Variants in ADAMTSL1 observed in about 807,000 individuals in gnomAD.
ADAMTSL1 encodes ADAMTS like 1, also known as ADAMTS-like protein 1.
In ADAMTSL1, 126 loss-of-function variants were observed where a neutral mutation model predicts 201.8. The observed-to-expected ratio is 0.62, with a 90% CI of 0.54 to 0.72. The LOEUF (loss-of-function observed/expected upper bound fraction) is 0.72. ADAMTSL1 is among the 30% of genes least tolerant of loss of function. The pLI is 0.00. For missense variants in ADAMTSL1, 2,679 were observed against 2,277.8 expected, an observed-to-expected ratio of 1.18 and a Z score of -3.59; for synonymous variants, 1,121 against 903.4, an observed-to-expected ratio of 1.24 and a Z score of -4.32.
At chr9:18,728,903 C>T (rs139805154) in intron 15 of ADAMTSL1, among the ~76,000 whole-genome samples, 104 of 152,282 alleles carry the variant, frequency 6.8e-4, no homozygotes, top group African/African-American at 2.0e-3. Context: ...GGTGTGGAAC[C>T]GTCAGATTTG....
chr9:18,140,141 A>G (rs1381295584), intron 1 of ADAMTSL1, among the ~76,000 whole-genome samples: 1 of 152,164 alleles, frequency 6.6e-6, no homozygotes, highest in Non-Finnish European at 1.5e-5. Flanking sequence ...CCTACTCTTA[A>G]AGAATTTAAC....
chr9:18,290,814 C>G (rs1833228228), intron 2 of ADAMTSL1, among the ~76,000 whole-genome samples: 1 of 146,056 alleles, frequency 6.8e-6, no homozygotes, highest in African/African-American at 2.6e-5. Context: ...CAGAGTCTCG[C>G]TCTGTCGCCC....
intron 2 of ADAMTSL1, among the ~76,000 whole-genome samples, chr9:18,211,350 C>T (rs1829864064): frequency 6.6e-6 from 1 of 152,110 alleles, no homozygotes; most frequent in South Asian, 2.1e-4. Flanking sequence ...CCATTTCATT[C>T]TACAGATGTG....
intron 1 of ADAMTSL1, among the ~76,000 whole-genome samples, chr9:18,019,426 G>C (rs182953172): frequency 3.3e-4 from 50 of 152,200 alleles, no homozygotes; most frequent in African/African-American, 4.8e-4. Context: ...ATGAAGCTAA[G>C]AGTGTGACCG....
intron 2 of ADAMTSL1, among the ~76,000 whole-genome samples, chr9:18,363,313 A>T (rs1290045442): frequency 6.6e-6 from 1 of 152,244 alleles, no homozygotes; most frequent in Non-Finnish European, 1.5e-5. Context: ...GGTCTCTCCT[A>T]AGTAAACAAT....
intron 1 of ADAMTSL1, among the ~76,000 whole-genome samples, chr9:17,982,295 A>G (rs992642626): frequency 2.6e-5 from 4 of 152,182 alleles, no homozygotes; most frequent in Non-Finnish European, 5.9e-5. Context: ...TGGCCTTGTC[A>G]GATGGAAAGA....
At chr9:18,475,974 C>G (rs1341736281) in intron 1 of ADAMTSL1, among the ~76,000 whole-genome samples, 1 of 151,912 alleles carries the variant, frequency 6.6e-6, no homozygotes, top group Non-Finnish European at 1.5e-5. Flanking sequence ...TATAATTTGA[C>G]TTATGTGGAA....
At chr9:18,292,204 A>C (rs1403448185) in intron 2 of ADAMTSL1, among the ~76,000 whole-genome samples, 2 of 152,116 alleles carry the variant, frequency 1.3e-5, no homozygotes, top group African/African-American at 4.8e-5. Context: ...GGGAAGCTTC[A>C]GGTGATCTTC....
chr9:17,988,920 T>C (rs1371787381), intron 1 of ADAMTSL1, among the ~76,000 whole-genome samples: 2 of 151,890 alleles, frequency 1.3e-5, no homozygotes, highest in Non-Finnish European at 2.9e-5. Flanking sequence ...AGGCATTTTT[T>C]CCCCCAATTG....
At chr9:18,057,580 G>A (rs939955571) in intron 1 of ADAMTSL1, among the ~76,000 whole-genome samples, 29 of 152,142 alleles carry the variant, frequency 1.9e-4, no homozygotes, top group African/African-American at 6.5e-4. Flanking sequence ...TTTAGTACTT[G>A]GTTAGAACGA....
chr9:18,545,981 T>A (rs554124463), intron 3 of ADAMTSL1, among the ~76,000 whole-genome samples: 2 of 152,266 alleles, frequency 1.3e-5, no homozygotes, highest in South Asian at 4.1e-4. Flanking sequence ...AACTTGTAGG[T>A]TTTTCCCTCC....
intron 1 of ADAMTSL1, among the ~76,000 whole-genome samples, chr9:17,917,526 G>A (rs2383052): frequency 0.87 from 131,883 of 151,962 alleles, 57,336 homozygotes; most frequent in East Asian, 0.93. Context: ...AACCTACCTT[G>A]CATTCTTGGA....
At chr9:18,827,612 T>C (rs2131248322) in intron 22 of ADAMTSL1, among the ~76,000 whole-genome samples, 1 of 152,322 alleles carries the variant, frequency 6.6e-6, no homozygotes, top group East Asian at 1.9e-4. Context: ...TGCCCCACAC[T>C]GAGTTACGGT....
At chr9:18,846,348 G>A (rs375794976) in intron 23 of ADAMTSL1, among the ~76,000 whole-genome samples, 1 of 152,204 alleles carries the variant, frequency 6.6e-6, no homozygotes, top group African/African-American at 2.4e-5. Flanking sequence ...CAATGTTTGA[G>A]CAAGACTGGA....
chr9:18,245,561 C>G (rs897291950), intron 2 of ADAMTSL1, among the ~76,000 whole-genome samples: 1 of 152,018 alleles, frequency 6.6e-6, no homozygotes, highest in Admixed American at 6.6e-5. Context: ...AAAAATGGGT[C>G]AGGATATAAC....
chr9:17,959,295 C>G (rs1398895790), intron 1 of ADAMTSL1, among the ~76,000 whole-genome samples: 1 of 151,984 alleles, frequency 6.6e-6, no homozygotes, highest in Non-Finnish European at 1.5e-5. Flanking sequence ...TTCTCGTCTT[C>G]TTTTGCATTA....
intron 1 of ADAMTSL1, among the ~76,000 whole-genome samples, chr9:18,484,859 G>GA (rs906259380): frequency 2.0e-5 from 3 of 151,872 alleles, no homozygotes; most frequent in Non-Finnish European, 2.9e-5. Context: ...TAAAATTTCA[G>GA]AAAAAAAATA....
chr9:18,900,194 G>C (rs978441699), intron 26 of ADAMTSL1, among the ~76,000 whole-genome samples: 17 of 152,152 alleles, frequency 1.1e-4, no homozygotes, highest in Admixed American at 1.1e-3. Flanking sequence ...CAACATCACT[G>C]ATCATTAGAG....
chr9:18,675,635 C>T (rs932477548), intron 9 of ADAMTSL1, among the ~76,000 whole-genome samples: 1 of 152,110 alleles, frequency 6.6e-6, no homozygotes, highest in Non-Finnish European at 1.5e-5. Context: ...CTGCTTGGAT[C>T]AGAGAACTAA....
Sources: gnomAD v4.1 joint callset for allele counts (sites outside exome capture counted in the v4.1 genomes callset) on GRCh38, gnomAD v4.1.1 for gene constraint, MANE v1.5 for transcripts, NCBI Gene and HGNC (gene_info 2026-07-23, HGNC 2026-07-21) for gene names.